The following CD300A variants were observed in gnomAD, a reference collection of about 807,000 sequenced individuals.
CD300A encodes the protein CMRF35-like molecule 8.
Under a neutral mutation model 33.6 loss-of-function variants are expected in CD300A, and 22 were observed. The observed-to-expected ratio is 0.66, with a 90% CI of 0.47 to 0.94. The LOEUF is 0.94. Among genes scored for constraint, CD300A ranks in the 40% least tolerant of loss-of-function variants. The pLI is 0.00. For synonymous variants in CD300A, 136 were observed against 148.1 expected (o/e 0.92, Z 0.59); for missense variants, 326 against 360.5 (o/e 0.90, Z 0.77).
At chr17:74,479,985 C>T (rs1482239185) in intron 4 of CD300A, among the ~76,000 whole-genome samples, 1 of 152,160 alleles carries the variant, frequency 6.6e-6, no homozygotes, top group Non-Finnish European at 1.5e-5. Context: ...CAGTGAGCTT[C>T]CCCTACCGCT....
intron 2 of CD300A, among the ~76,000 whole-genome samples, chr17:74,474,278 A>G (rs1027605244): frequency 1.1e-4 from 16 of 152,162 alleles, no homozygotes; most frequent in African/African-American, 3.9e-4. Flanking sequence ...CCTCTGCAGC[A>G]TGGAGTTTCG....
At chr17:74,469,675 T>C (rs1905963234) in intron 1 of CD300A, among the ~76,000 whole-genome samples, 1 of 152,072 alleles carries the variant, frequency 6.6e-6, no homozygotes, top group Admixed American at 6.5e-5. Context: ...AAACACAAAA[T>C]TAGCCAGGCA....
rs1906854226 is a variant in CD300A at position 74,481,629 on chromosome 17, G to A, written c.667-97G>A. The A allele has an allele frequency of 5.8e-6, 5 of 864,950 alleles. No homozygotes were observed. In the South Asian group the frequency reaches 7.5e-5, roughly 13 times the overall value. 53.6% of individuals were successfully genotyped at this position (864,950 alleles called of 1,614,324 possible). ...GGAAGGGGAAGGTGGGGGCTGAGGT[G>A]CTCAGAGCATAGAGGAAGGGGAGAC... On this transcript the variant is annotated intron_variant, in intron 5 of 6. Coordinates refer to ENST00000360141, the MANE Select transcript of CD300A (RefSeq NM_007261.4).
chr17:74,473,267 G>A (rs79778751), intron 1 of CD300A, among the ~76,000 whole-genome samples: 2,247 of 152,186 alleles, frequency 0.015, 22 homozygotes, highest in Admixed American at 0.024. Flanking sequence ...AGGGCTGGGG[G>A]TGCTGATGTG....
At chr17:74,481,460 G>T in intron 5 of CD300A, 134 bp downstream of exon 5, 1 of 797,864 alleles carries the variant, frequency 1.3e-6, no homozygotes, top group Non-Finnish European at 2.1e-6. Context: ...GACGAATGAT[G>T]CTGGGAGATG....
chr17:74,481,691 C>T (rs757259589), intron 5 of CD300A, 35 bp from the exon 6 acceptor site: 12 of 1,487,082 alleles, frequency 8.1e-6, no homozygotes, highest in South Asian at 2.4e-5. Flanking sequence ...TGCAGGGCTC[C>T]GTGGACACCC....
Position 74,484,746 on chromosome 17 carries a change from A to G in CD300A, c.*620A>G, listed in dbSNP as rs1214251767. On this transcript the variant is annotated 3_prime_UTR_variant, in exon 7 of 7. Coordinates refer to ENST00000360141, the MANE Select transcript of CD300A (RefSeq NM_007261.4). ...TTTATTTTTAATATGAAATATAAAA[A>G]CAGTTTCAAATATCTTATTGAGGGA... The G allele has an allele frequency of 6.6e-6, 1 of 152,222 alleles. No homozygotes were observed. The highest frequency in any genetic ancestry group is 1.5e-5 in the Non-Finnish European group (1 of 68,064). The allele number at this position is 152,222 out of a possible 1,614,324, so 9.4% of individuals were successfully genotyped here.
At chr17:74,466,826 A>T in intron 1 of CD300A, 83 bp downstream of exon 1, 1 of 1,548,318 alleles carries the variant, frequency 6.5e-7, no homozygotes, top group Non-Finnish European at 8.7e-7. Context: ...ATCACACGAG[A>T]CGCCCCGAGT....
chr17:74,471,841 A>C (rs1906119228), intron 1 of CD300A, among the ~76,000 whole-genome samples: 1 of 152,110 alleles, frequency 6.6e-6, no homozygotes, highest in African/African-American at 2.4e-5. Flanking sequence ...GTTTTTGTAG[A>C]GGGCCTACAG....
rs151204731 is a variant in CD300A at position 74,480,558 on chromosome 17, C to A, written c.629-731C>A. On this transcript the variant is annotated intron_variant, in intron 4 of 6. Coordinates refer to ENST00000360141, the MANE Select transcript of CD300A (RefSeq NM_007261.4). This position sits in a 1 kb window ranked among gnomAD's most constrained non-coding sequence, Gnocchi z 4.2. ...CAGGCAGGTGGGCTGTCTGGGAGGG[C>A]AGACCTCAGGCACGGGGATGGGAGC... 5.2e-4 allele frequency among the ~76,000 whole-genome samples: 79 copies of A among 152,300 alleles called. No homozygotes were observed. Among genetic ancestry groups the A allele is most frequent in the African/African-American group, 1.9e-3 (78 of 41,558 alleles).
chr17:74,474,016 AG>A (rs139527255), intron 2 of CD300A, 142 bp downstream of exon 2: 16,043 of 918,950 alleles, frequency 0.017, 239 homozygotes, highest in African/African-American at 0.052. Flanking sequence ...GAACACAGTC[AG>A]GGGGTCTCTC....
At chr17:74,470,149 G>A in intron 1 of CD300A, 1 of 985,442 alleles carries the variant, frequency 1.0e-6, no homozygotes, top group Non-Finnish European at 1.2e-6. Flanking sequence ...TCCTGTTTAT[G>A]ATTAGAGGGG....
At chr17:74,468,045 A>ATTTATTTTTTTT (rs959584546) in intron 1 of CD300A, among the ~76,000 whole-genome samples, 55 of 132,976 alleles carry the variant, frequency 4.1e-4, no homozygotes, top group African/African-American at 1.7e-3. Context: ...TTATTTATTT[A>ATTTATTTTTTTT]TTTTTTGAGA....
chr17:74,473,400 C>A, intron 1 of CD300A, 136 bp from the exon 2 acceptor site: 1 of 776,516 alleles, frequency 1.3e-6, no homozygotes, highest in Non-Finnish European at 2.1e-6. Context: ...CCTCAGTCCC[C>A]GCTCCTGGGT....
At chr17:74,482,281 C>T (rs1430540582) in intron 6 of CD300A, among the ~76,000 whole-genome samples, 1 of 151,896 alleles carries the variant, frequency 6.6e-6, no homozygotes, top group African/African-American at 2.4e-5. Context: ...TCGTGACCCA[C>T]CTGCTAGTGG....
At chr17:74,483,907 G>A in intron 6 of CD300A, 94 bp from the exon 7 acceptor site, 1 of 1,446,670 alleles carries the variant, frequency 6.9e-7, no homozygotes, top group Non-Finnish European at 9.5e-7. Flanking sequence ...CCTCCCCAAA[G>A]CCCCTCAGGT....
At position 74,481,791 on chromosome 17, in the gene CD300A, G is replaced by C. The variant is rs552685249; in HGVS notation, c.732G>C (p.Lys244Asn). The C allele has an allele frequency of 4.3e-6, 7 of 1,613,188 alleles. No individual in the cohort carries two copies. The East Asian group carries it at 1.6e-4, about 36-fold the overall frequency. ...LELLMWPLQE[K>N]PAPPREVEVE... ...TGCTGATGTGGCCTCTGCAGGAAAA[G>C]CCAGCACCACCAAGGGAGGTGGAGG... The change falls in exon 6 of 7, where the codon AAG (lysine) becomes AAC (asparagine). Residue 244 changes from lysine to asparagine, a missense_variant. Physicochemically the swap from Lys to Asn is moderately conservative, Grantham distance 94. Transcript: ENST00000360141.
chr17:74,480,207 G>C lies in CD300A; in HGVS notation c.629-1082G>C, dbSNP rs1906743144. On this transcript the variant is annotated intron_variant, in intron 4 of 6. Coordinates refer to ENST00000360141, the MANE Select transcript of CD300A (RefSeq NM_007261.4). The surrounding 1 kb of genome is among the most constrained non-coding windows in gnomAD (Gnocchi z 4.2). ...ACTCCATTAGGTCAGCTGTGGCTCAGCAAGCCCGTCACTATACGTGGTCTT... is the reference window on the plus strand; with the variant it reads ...ACTCCATTAGGTCAGCTGTGGCTCACCAAGCCCGTCACTATACGTGGTCTT... 6.6e-6 allele frequency among the ~76,000 whole-genome samples: 1 copy of C among 152,146 alleles called. No homozygotes were observed. Among genetic ancestry groups the C allele is most frequent in the South Asian group, 2.1e-4 (1 of 4,834 alleles).
Position 74,477,409 on chromosome 17 carries a change from G to A in CD300A, c.534-27G>A, listed in dbSNP as rs377343240. 227 of 1,553,598 alleles carry A rather than the reference G, an allele frequency of 1.5e-4. 1 individual carries two copies. Among genetic ancestry groups the A allele is most frequent in the South Asian group, 1.7e-4 (15 of 89,648 alleles). ...AAGTTGGAGAAGGCAAGTTGGCCCC[G>A]CCCTTACCATCCTGTGCCTCCTCCA... On this transcript the variant is annotated intron_variant, in intron 3 of 6. Coordinates refer to ENST00000360141, the MANE Select transcript of CD300A (RefSeq NM_007261.4).
Sources: allele counts gnomAD v4.1 joint callset (sites outside exome capture counted in the v4.1 genomes callset), GRCh38; gene constraint gnomAD v4.1.1; non-coding constraint Gnocchi (gnomAD v3.1); transcripts MANE v1.5; gene names NCBI Gene and HGNC (gene_info 2026-07-23, HGNC 2026-07-21).